The following STXBP5L variants were observed in gnomAD, a reference collection of about 807,000 sequenced individuals.
The protein encoded by STXBP5L is syntaxin binding protein 5L, also known as syntaxin-binding protein 5-like.
In STXBP5L, 65 loss-of-function variants were observed where a neutral mutation model predicts 144.5. That is an observed-to-expected ratio of 0.45 (90% confidence interval 0.37 to 0.55). The LOEUF is 0.55. Among genes scored for constraint, STXBP5L ranks in the 20% least tolerant of loss-of-function variants. STXBP5L has a pLI of 0.00. For synonymous variants in STXBP5L, 505 were observed against 469.6 expected, an observed-to-expected ratio of 1.08 and a Z score of -0.97; for missense variants, 1,298 against 1,405.5, an observed-to-expected ratio of 0.92 and a Z score of 1.22.
intron 19 of STXBP5L, among the ~76,000 whole-genome samples, chr3:121,301,155 G>A (rs1394483849): frequency 6.6e-6 from 1 of 152,084 alleles, no homozygotes; most frequent in Non-Finnish European, 1.5e-5. Flanking sequence ...CCATTTTCAC[G>A]ATATTGATTC....
intron 3 of STXBP5L, among the ~76,000 whole-genome samples, chr3:121,013,063 T>C (rs1405418939): frequency 6.6e-6 from 1 of 151,952 alleles, no homozygotes; most frequent in East Asian, 1.9e-4. Context: ...TTGCATGGTG[T>C]ATATGTACCA....
chr3:121,052,337 A>G (rs1417047514), intron 5 of STXBP5L, among the ~76,000 whole-genome samples: 2 of 152,290 alleles, frequency 1.3e-5, no homozygotes, highest in Non-Finnish European at 2.9e-5. Flanking sequence ...ATCGATGCAA[A>G]AATCCTCAAT....
chr3:120,994,499 A>G (rs1035965260), intron 3 of STXBP5L, among the ~76,000 whole-genome samples: 2 of 151,870 alleles, frequency 1.3e-5, no homozygotes, highest in African/African-American at 2.4e-5. Context: ...TTATTTTGAG[A>G]GTTGAGATGT....
chr3:121,392,897 G>A (rs575817295), intron 22 of STXBP5L, among the ~76,000 whole-genome samples: 9 of 150,112 alleles, frequency 6.0e-5, no homozygotes, highest in Admixed American at 6.7e-5. Flanking sequence ...AAACATACAC[G>A]TGCTTGTGTC....
chr3:121,216,043 G>T (rs893579647), intron 10 of STXBP5L, among the ~76,000 whole-genome samples: 2 of 151,944 alleles, frequency 1.3e-5, no homozygotes, highest in African/African-American at 4.8e-5. Flanking sequence ...TCAGCTCCAA[G>T]GTCATTTATC....
chr3:120,990,008 A>G (rs1004161605), intron 3 of STXBP5L, among the ~76,000 whole-genome samples: 2 of 152,140 alleles, frequency 1.3e-5, no homozygotes, highest in African/African-American at 4.8e-5. Context: ...GGAAACGAGG[A>G]AGTCAAATTG....
intron 18 of STXBP5L, among the ~76,000 whole-genome samples, chr3:121,269,632 A>G (rs919074771): frequency 2.0e-5 from 3 of 151,870 alleles, no homozygotes; most frequent in African/African-American, 7.3e-5. Flanking sequence ...AGTTTTAAAA[A>G]CTCACATCTT....
At chr3:120,932,604 G>A (rs1710004721) in intron 2 of STXBP5L, among the ~76,000 whole-genome samples, 1 of 147,842 alleles carries the variant, frequency 6.8e-6, no homozygotes, top group Admixed American at 6.8e-5. Flanking sequence ...TGTTGGGACT[G>A]TAAACTAGTT....
At chr3:121,327,479 TTATTGTG>T (rs1233795217) in intron 20 of STXBP5L, among the ~76,000 whole-genome samples, 1 of 152,188 alleles carries the variant, frequency 6.6e-6, no homozygotes, top group East Asian at 1.9e-4. Context: ...CAGATGACTA[TTATTGTG>T]TATTTTGCCA....
At chr3:120,976,526 T>C (rs1283619158) in intron 3 of STXBP5L, among the ~76,000 whole-genome samples, 1 of 152,196 alleles carries the variant, frequency 6.6e-6, no homozygotes, top group Non-Finnish European at 1.5e-5. Flanking sequence ...TTGAAGGGTT[T>C]TTTATGTCTC....
intron 2 of STXBP5L, among the ~76,000 whole-genome samples, chr3:120,948,594 C>G (rs908587584): frequency 1.3e-5 from 2 of 151,834 alleles, no homozygotes; most frequent in African/African-American, 2.4e-5. Context: ...TCCATTATAT[C>G]ATTCTTATGC....
intron 9 of STXBP5L, among the ~76,000 whole-genome samples, chr3:121,181,601 G>A (rs528919640): frequency 3.9e-5 from 6 of 152,232 alleles, no homozygotes; most frequent in South Asian, 2.1e-4. Context: ...GGGCATGGTC[G>A]TAGATGCCTG....
intron 11 of STXBP5L, among the ~76,000 whole-genome samples, chr3:121,226,843 G>A (rs964552428): frequency 1.2e-4 from 18 of 152,132 alleles, no homozygotes; most frequent in African/African-American, 4.1e-4. Context: ...GAAGCTAGAT[G>A]GCCAGACCAA....
intron 20 of STXBP5L, among the ~76,000 whole-genome samples, chr3:121,331,783 C>T (rs372456513): frequency 3.5e-4 from 53 of 152,252 alleles, no homozygotes; most frequent in African/African-American, 1.2e-3. Context: ...CTGAACATTT[C>T]AACCCAGTAA....
At chr3:121,161,634 T>C (rs2046325088) in intron 9 of STXBP5L, among the ~76,000 whole-genome samples, 1 of 152,078 alleles carries the variant, frequency 6.6e-6, no homozygotes, top group South Asian at 2.1e-4. Context: ...ATTGTTCTTA[T>C]AGCTGGTTGC....
At chr3:120,987,805 C>G (rs531182327) in intron 3 of STXBP5L, among the ~76,000 whole-genome samples, 5 of 151,642 alleles carry the variant, frequency 3.3e-5, no homozygotes, top group Admixed American at 3.3e-4. Context: ...CTGGGTAATA[C>G]TATCTTCATA....
At chr3:121,253,935 G>A (rs994445716) in intron 15 of STXBP5L, among the ~76,000 whole-genome samples, 3 of 151,324 alleles carry the variant, frequency 2.0e-5, no homozygotes, top group African/African-American at 7.3e-5. Flanking sequence ...TTACAGGCGT[G>A]AGCCACTGCG....
intron 3 of STXBP5L, among the ~76,000 whole-genome samples, chr3:120,987,474 G>A (rs1191471402): frequency 6.6e-6 from 1 of 151,348 alleles, no homozygotes; most frequent in African/African-American, 2.4e-5. Context: ...TTTCTTTTTT[G>A]TAAAGTTGTG....
rs115584125 is a variant in STXBP5L, at chr3:121,007,349, G to T, written c.288-34351G>T. ...ATATTTGTCTGTAGCTTTCTTTTAT[G>T]ATAATAGTTTTGGCTGGTGTAGTTA... On this transcript the variant is annotated intron_variant, in intron 3 of 26. Coordinates refer to ENST00000471454, the MANE Select transcript of STXBP5L (RefSeq NM_001308330.2). 6.0e-3 allele frequency among the ~76,000 whole-genome samples: 904 copies of T among 151,912 alleles called. 8 individuals are homozygous for T. The highest frequency in any genetic ancestry group is 0.02 in the African/African-American group (833 of 41,472).
Sources: allele counts gnomAD v4.1 joint callset (sites outside exome capture counted in the v4.1 genomes callset), GRCh38; gene constraint gnomAD v4.1.1; transcripts MANE v1.5; gene names NCBI Gene and HGNC (gene_info 2026-07-23, HGNC 2026-07-21).